The following OR2C1 variants were observed in gnomAD, a reference collection of about 807,000 sequenced individuals.
The protein encoded by OR2C1 is olfactory receptor family 2 subfamily C member 1, also known as olfactory receptor 2C1.
For missense variants in OR2C1, 468 were observed against 388.3 expected (o/e 1.21, Z -1.73); for synonymous variants, 209 against 167.3 (o/e 1.25, Z -1.92).
chr16:3,341,743 C>A, the OR2C1 span, among the ~76,000 whole-genome samples: 2 of 152,188 alleles, frequency 1.3e-5, no homozygotes, highest in African/African-American at 4.8e-5. Context: ...GGTGTGCCAT[C>A]TTCCTGGCAC....
the OR2C1 span, among the ~76,000 whole-genome samples, chr16:3,338,227 T>C: frequency 7.9e-5 from 12 of 152,174 alleles, no homozygotes; most frequent in Non-Finnish European, 1.3e-4. Flanking sequence ...GATTTCAGGG[T>C]TGGGAATGGT....
the OR2C1 span, among the ~76,000 whole-genome samples, chr16:3,329,447 AATT>A: frequency 2.6e-5 from 4 of 151,798 alleles, no homozygotes; most frequent in Non-Finnish European, 4.4e-5. Context: ...CATTACAGTA[AATT>A]ATTATTATTA....
In OR2C1 at chr16:3,356,934, A is replaced by G; in HGVS notation, c.*55A>G. ...TTCATCTCTACATGCGTTTCTCATT[A>G]ACTCTCTCTGGCCAGGTGAACATGA... is the stretch of plus-strand genomic sequence containing the variant. On this transcript the variant is annotated 3_prime_UTR_variant, in exon 1 of 1. Transcript: ENST00000304936. 2 of 1,385,910 alleles carry G rather than the reference A, an allele frequency of 1.4e-6. No individual in the cohort carries two copies. The highest frequency in any genetic ancestry group is 1.9e-6 in the Non-Finnish European group (2 of 1,029,472). 85.9% of individuals were successfully genotyped at this position (1,385,910 alleles called of 1,614,324 possible). A position where few individuals can be genotyped will look rare whatever the true frequency, so the allele number is the denominator to read the frequency against.
chr16:3,335,664 T>C, the OR2C1 span, among the ~76,000 whole-genome samples: 3 of 151,814 alleles, frequency 2.0e-5, no homozygotes, highest in Non-Finnish European at 4.4e-5. Flanking sequence ...GTAGCTGGGA[T>C]TACAGGCGCC....
At chr16:3,353,899 G>T (rs1222597489), upstream of OR2C1, among the ~76,000 whole-genome samples, 4 of 152,096 alleles carry the variant, frequency 2.6e-5, no homozygotes, top group Admixed American at 1.3e-4. Context: ...AAAGGGGATG[G>T]TGATTGGCCC....
chr16:3,326,429 A>G, the OR2C1 span, among the ~76,000 whole-genome samples: 1 of 152,188 alleles, frequency 6.6e-6, no homozygotes, highest in African/African-American at 2.4e-5. Context: ...CAGGTCCCTG[A>G]TCTCTGACCA....
chr16:3,346,371 A>G, the OR2C1 span, among the ~76,000 whole-genome samples: 3 of 152,186 alleles, frequency 2.0e-5, no homozygotes, highest in East Asian at 1.9e-4. Flanking sequence ...TACAAAGTCT[A>G]GAGGATCTCA....
At chr16:3,339,498 C>T in the OR2C1 span, among the ~76,000 whole-genome samples, 4 of 152,078 alleles carry the variant, frequency 2.6e-5, no homozygotes, top group East Asian at 7.7e-4. Context: ...GCTCTGTCGC[C>T]CAGGCTGGAG....
chr16:3,355,875 T>C (rs1009429), upstream of OR2C1: 1,073,405 of 1,223,902 alleles, frequency 0.88, 471,342 homozygotes, highest in African/African-American at 0.95. Flanking sequence ...CCAACAGCTT[T>C]TTCTTGACTT....
chr16:3,346,545 C>T, the OR2C1 span, among the ~76,000 whole-genome samples: 19 of 151,964 alleles, frequency 1.3e-4, no homozygotes, highest in African/African-American at 4.1e-4. Context: ...CTGAGGGTTC[C>T]GTCTTGCTCT....
At chr16:3,333,018 C>T in the OR2C1 span, among the ~76,000 whole-genome samples, 6 of 152,012 alleles carry the variant, frequency 3.9e-5, no homozygotes, top group Non-Finnish European at 8.8e-5. Flanking sequence ...GTTCACCTTT[C>T]TCCACATCCT....
the OR2C1 span, among the ~76,000 whole-genome samples, chr16:3,337,070 G>A: frequency 1.3e-5 from 2 of 151,894 alleles, no homozygotes; most frequent in Non-Finnish European, 2.9e-5. Flanking sequence ...GGTCAGGCTG[G>A]TCTCGAACTC....
the OR2C1 span, among the ~76,000 whole-genome samples, chr16:3,328,442 T>G: frequency 6.6e-6 from 1 of 152,212 alleles, no homozygotes; most frequent in South Asian, 2.1e-4. Flanking sequence ...TTTTTGAGAA[T>G]TATGTACGCT....
chr16:3,340,576 G>A, the OR2C1 span, among the ~76,000 whole-genome samples: 1 of 152,078 alleles, frequency 6.6e-6, no homozygotes, highest in Non-Finnish European at 1.5e-5. Flanking sequence ...CACAGTTTTG[G>A]CTCTGTTTTT....
the OR2C1 span, among the ~76,000 whole-genome samples, chr16:3,336,674 CT>C: frequency 1.9e-4 from 22 of 116,282 alleles, no homozygotes; most frequent in East Asian, 7.8e-4. Flanking sequence ...GTTTCTTTTT[CT>C]TTTTTTTTTT....
the OR2C1 span, among the ~76,000 whole-genome samples, chr16:3,344,169 C>T: frequency 2.0e-5 from 3 of 149,444 alleles, no homozygotes; most frequent in African/African-American, 7.4e-5. Flanking sequence ...TTCAGTGAGC[C>T]GAGATCGCAC....
chr16:3,348,949 G>T, the OR2C1 span, among the ~76,000 whole-genome samples: 2 of 152,054 alleles, frequency 1.3e-5, no homozygotes, highest in South Asian at 4.1e-4. Flanking sequence ...AAACACTCAA[G>T]GATGACAGCT....
the OR2C1 span, among the ~76,000 whole-genome samples, chr16:3,345,368 C>T: frequency 6.6e-6 from 1 of 151,840 alleles, no homozygotes; most frequent in Admixed American, 6.6e-5. Flanking sequence ...CACCTGTAGT[C>T]CCAGCTACTC....
In OR2C1 at chr16:3,356,920, A is replaced by G. The variant is rs746182545; in HGVS notation, c.*41A>G. Reference sequence around the variant, plus strand: ...TTATTTATTGCGTCTTCATCTCTACATGCGTTTCTCATTAACTCTCTCTGG... The same window carrying G: ...TTATTTATTGCGTCTTCATCTCTACGTGCGTTTCTCATTAACTCTCTCTGG... On this transcript the variant is annotated 3_prime_UTR_variant, in exon 1 of 1. Transcript: ENST00000304936. 5 of 1,437,262 alleles carry G rather than the reference A, an allele frequency of 3.5e-6. No homozygotes were observed. The highest frequency in any genetic ancestry group is 3.7e-6 in the Non-Finnish European group (4 of 1,071,964). 89.0% of individuals were successfully genotyped at this position (1,437,262 alleles called of 1,614,324 possible).
Sources: gnomAD v4.1 joint callset for allele counts (sites outside exome capture counted in the v4.1 genomes callset) on GRCh38, gnomAD v4.1.1 for gene constraint, MANE v1.5 for transcripts, NCBI Gene and HGNC (gene_info 2026-07-23, HGNC 2026-07-21) for gene names.